EIF3H: variants seen among roughly 807,000 people sequenced by gnomAD.
EIF3H encodes the protein eukaryotic translation initiation factor 3 subunit H.
A neutral mutation model predicts 44.2 loss-of-function variants in EIF3H; 26 were observed. The observed-to-expected ratio is 0.59, with a 90% CI of 0.43 to 0.82. The LOEUF (loss-of-function observed/expected upper bound fraction) is 0.82. EIF3H is among the 40% of genes least tolerant of loss of function. EIF3H has a pLI of 0.00. For synonymous variants in EIF3H, 166 were observed against 151.9 expected, an observed-to-expected ratio of 1.09 and a Z score of -0.68; for missense variants, 359 against 432.8, an observed-to-expected ratio of 0.83 and a Z score of 1.51.
chr8:116,661,460 T>C (rs1813585976), intron 2 of EIF3H, among the ~76,000 whole-genome samples: 1 of 152,242 alleles, frequency 6.6e-6, no homozygotes, highest in Non-Finnish European at 1.5e-5. Flanking sequence ...AGCTCTGAGA[T>C]TTCCCCTGTG....
chr8:116,731,126 T>G (rs1814943665), intron 1 of EIF3H, among the ~76,000 whole-genome samples: 2 of 152,230 alleles, frequency 1.3e-5, no homozygotes, highest in Non-Finnish European at 2.9e-5. Flanking sequence ...TATATTTTGC[T>G]TATATGTATC....
chr8:116,676,812 T>C (rs1012765922), intron 2 of EIF3H, among the ~76,000 whole-genome samples: 3 of 152,218 alleles, frequency 2.0e-5, no homozygotes, highest in African/African-American at 7.2e-5. Context: ...GTGCACTATA[T>C]TTCTGCTTTC....
chr8:116,702,599 T>C (rs1814396257), intron 2 of EIF3H, among the ~76,000 whole-genome samples: 1 of 152,164 alleles, frequency 6.6e-6, no homozygotes, highest in Non-Finnish European at 1.5e-5. Context: ...TCTAGCATAG[T>C]AGGGACTCAG....
intron 1 of EIF3H, among the ~76,000 whole-genome samples, chr8:116,729,494 C>G (rs1026722640): frequency 3.9e-5 from 6 of 152,190 alleles, no homozygotes; most frequent in Non-Finnish European, 8.8e-5. Context: ...GCTTGCCAAA[C>G]AGCCAATGCA....
intron 4 of EIF3H, among the ~76,000 whole-genome samples, chr8:116,656,898 G>C (rs1442417349): frequency 6.6e-6 from 1 of 152,052 alleles, no homozygotes; most frequent in Non-Finnish European, 1.5e-5. Flanking sequence ...GTCTGACACA[G>C]AGCTTACAAT....
At chr8:116,655,776 T>C in intron 5 of EIF3H, 80 bp downstream of exon 5, 1 of 1,436,364 alleles carries the variant, frequency 7.0e-7, no homozygotes, top group Non-Finnish European at 9.7e-7. Flanking sequence ...GTTTTCTTGT[T>C]TCACAGGTAA....
intron 1 of EIF3H, among the ~76,000 whole-genome samples, chr8:116,764,002 AG>A (rs1304810572): frequency 6.6e-6 from 1 of 152,200 alleles, no homozygotes; most frequent in Non-Finnish European, 1.5e-5. Flanking sequence ...AATTTCATGA[AG>A]AAAAAAACTT....
At chr8:116,718,892 T>C (rs1319539716) in intron 2 of EIF3H, among the ~76,000 whole-genome samples, 2 of 151,392 alleles carry the variant, frequency 1.3e-5, no homozygotes, top group South Asian at 2.1e-4. Flanking sequence ...AATATATATA[T>C]ATTAAAATTA....
upstream of EIF3H, chr8:116,755,966 GT>G: frequency 6.5e-7 from 1 of 1,536,190 alleles, no homozygotes; most frequent in East Asian, 2.4e-5. Flanking sequence ...TTTCCAGGCG[GT>G]ATCCTTTGTG....
chr8:116,646,386 G>A (rs1230309312), intron 7 of EIF3H, 85 bp downstream of exon 7: 1 of 1,588,758 alleles, frequency 6.3e-7, no homozygotes, highest in African/African-American at 1.3e-5. Flanking sequence ...TTTACGGCAT[G>A]CTTTTCTGTT....
At chr8:116,663,127 C>T (rs1181265670) in intron 2 of EIF3H, among the ~76,000 whole-genome samples, 3 of 152,176 alleles carry the variant, frequency 2.0e-5, no homozygotes, top group Admixed American at 2.0e-4. Flanking sequence ...TCATATGCAA[C>T]CAGTCCTCAC....
chr8:116,722,857 C>T (rs2130921181), intron 2 of EIF3H, among the ~76,000 whole-genome samples: 2 of 152,216 alleles, frequency 1.3e-5, no homozygotes, highest in African/African-American at 4.8e-5. Flanking sequence ...ATAATCTGTG[C>T]TTCTTATTCC....
At chr8:116,758,842 A>C (rs1243385908), upstream of EIF3H, among the ~76,000 whole-genome samples, 2 of 152,242 alleles carry the variant, frequency 1.3e-5, no homozygotes, top group Non-Finnish European at 2.9e-5. Flanking sequence ...TGAAAATATA[A>C]AATATTAAAA....
intron 2 of EIF3H, among the ~76,000 whole-genome samples, chr8:116,711,823 A>G (rs986080437): frequency 1.8e-4 from 27 of 152,232 alleles, no homozygotes; most frequent in African/African-American, 6.5e-4. Flanking sequence ...ATAATGCACT[A>G]AAACAAGTCC....
At chr8:116,656,609 C>T (rs1184129800) in intron 4 of EIF3H, among the ~76,000 whole-genome samples, 2 of 152,160 alleles carry the variant, frequency 1.3e-5, no homozygotes, top group African/African-American at 4.8e-5. Flanking sequence ...AACCGTCCTA[C>T]ATGAAGTCAA....
At chr8:116,680,879 A>G (rs1014141315) in intron 2 of EIF3H, among the ~76,000 whole-genome samples, 2 of 151,838 alleles carry the variant, frequency 1.3e-5, no homozygotes, top group Non-Finnish European at 2.9e-5. Context: ...AATGTCAAAG[A>G]TCATGAAATT....
chr8:116,645,063 A>G lies in EIF3H; in HGVS notation c.1002T>C (p.Thr334=). ...TGAAGAGCTTGCCTAAGTTTTGGGC[A>G]GTGAACTCCTTGATGTTCTGGCAGT... ...NTYCQNIKEF[T]AQNLGKLFMA... The change falls in exon 8 of 8, where the codon ACT becomes ACC. Residue 334 remains threonine (T), a synonymous_variant. Transcript: ENST00000521861. 1 of 1,614,172 alleles carries G rather than the reference A, an allele frequency of 6.2e-7. No individual in the cohort carries two copies. Among genetic ancestry groups the G allele is most frequent in the Non-Finnish European group, 8.5e-7 (1 of 1,180,018 alleles).
At chr8:116,714,334 C>T (rs936313007) in intron 2 of EIF3H, among the ~76,000 whole-genome samples, 5 of 152,106 alleles carry the variant, frequency 3.3e-5, no homozygotes, top group African/African-American at 1.2e-4. Flanking sequence ...GAATTAGTGG[C>T]TGATAGCTGA....
At chr8:116,700,157 A>G (rs1814348552) in intron 2 of EIF3H, among the ~76,000 whole-genome samples, 1 of 152,158 alleles carries the variant, frequency 6.6e-6, no homozygotes, top group Admixed American at 6.5e-5. Flanking sequence ...AGAAGACAGT[A>G]TTTTTAACAG....
Sources: gnomAD v4.1 joint callset for allele counts (sites outside exome capture counted in the v4.1 genomes callset) on GRCh38, gnomAD v4.1.1 for gene constraint, MANE v1.5 for transcripts, NCBI Gene and HGNC (gene_info 2026-07-23, HGNC 2026-07-21) for gene names.